The following NPS variants were observed in gnomAD, a reference collection of about 807,000 sequenced individuals.
NPS encodes neuropeptide S.
In NPS, 6 loss-of-function variants were observed where a neutral mutation model predicts 7.2. The ratio of observed to expected loss-of-function variants is 0.83; its 90% confidence interval spans 0.46 to 1.64. The LOEUF is 1.64. Among genes scored for constraint, NPS ranks in the 40% most tolerant of loss-of-function variants. The pLI, the probability that NPS is intolerant of heterozygous loss-of-function variation, is 0.01. For synonymous variants in NPS, 42 were observed against 36.7 expected, an observed-to-expected ratio of 1.14 and a Z score of -0.52; for missense variants, 123 against 97.8, an observed-to-expected ratio of 1.26 and a Z score of -1.09.
Position 127,552,964 on chromosome 10 carries a change from AT to A in NPS, c.*335del, listed in dbSNP as rs147494999. Reference sequence around the variant, plus strand: ...TGTTGACAGTCATCACGATAGTATGATTTTTTTTTTCCTGCCTGTAATATCA... The same window carrying A: ...TGTTGACAGTCATCACGATAGTATGATTTTTTTTTCCTGCCTGTAATATCA... On this transcript the variant is annotated 3_prime_UTR_variant, in exon 3 of 3. Transcript: ENST00000398023. 0.054 allele frequency among the ~76,000 whole-genome samples: 8,164 copies of A among 150,314 alleles called. 720 individuals are homozygous for A. Among genetic ancestry groups the A allele is most frequent in the African/African-American group, 0.18 (7,555 of 40,930 alleles).
At chr10:127,551,118 C>G (rs72845552) in intron 2 of NPS, among the ~76,000 whole-genome samples, 13,353 of 152,166 alleles carry the variant, frequency 0.088, 748 homozygotes, top group Non-Finnish European at 0.14. Context: ...AAGGCGTTCT[C>G]TCTATCATGT....
Position 127,552,590 on chromosome 10 carries a change from GA to G in NPS, c.222del (p.Val75LeufsTer5). 6.2e-7 allele frequency: 1 copy of G among 1,613,834 alleles called. No individual in the cohort carries two copies. Among genetic ancestry groups the G allele is most frequent in the Non-Finnish European group, 8.5e-7 (1 of 1,179,768 alleles). ...TTTGTGAAAAGGTCCTTTCGCAATG[GA>G]GTTGGCACAGGGATGAAAAAAACTT... is the stretch of plus-strand genomic sequence containing the variant. The part of the protein sequence containing the change: ...KMFVKRSFRN[G>X]VGTGMKKTSF... On this transcript the variant is annotated frameshift_variant, in exon 3 of 3. Transcript: ENST00000398023. LOFTEE classifies it high-confidence loss of function.
Position 127,549,529 on chromosome 10 carries a change from A to C in NPS, c.49A>C (p.Thr17Pro). 1 of 1,612,734 alleles carries C rather than the reference A, an allele frequency of 6.2e-7. No homozygotes were observed. Among genetic ancestry groups the C allele is most frequent in the Non-Finnish European group, 8.5e-7 (1 of 1,178,760 alleles). ...TCTCATCCTAGTTCTGTCGCTGTCC[A>C]CAATGCATGTGTTTTGGTGTTATCC... ...LNLILVLSLS[T>P]MHVFWCYPVP... Residue 17 changes from threonine (T) to proline (P), a missense_variant, in exon 2 of 3, where the codon ACA becomes CCA. Transcript: ENST00000398023.
chr10:127,552,447 T>C lies in NPS; in HGVS notation c.91-13T>C. The C allele has an allele frequency of 6.5e-7, 1 of 1,547,188 alleles. No individual in the cohort carries two copies. Among genetic ancestry groups the C allele is most frequent in the South Asian group, 1.1e-5 (1 of 88,482 alleles). On this transcript the variant is annotated splice_polypyrimidine_tract_variant and intron_variant, in intron 2 of 2. Transcript: ENST00000398023. Reference sequence around the variant, plus strand: ...GCTGTATTCTCTTTCTCCTCACCCATCTGAATTGCCAGGTGTCTGGAAAAT... The same window carrying C: ...GCTGTATTCTCTTTCTCCTCACCCACCTGAATTGCCAGGTGTCTGGAAAAT...
rs1844875090 is a variant in NPS, at chr10:127,553,225, A to G, written c.*586A>G. 6.6e-6 allele frequency among the ~76,000 whole-genome samples: 1 copy of G among 152,148 alleles called. No individual in the cohort carries two copies. The highest frequency in any genetic ancestry group is 2.4e-5 in the African/African-American group (1 of 41,424). Reference sequence around the variant, plus strand: ...TTCTTGTCTCCCTTTTCCTATTCCAAATATACTTAGCTATAGGGTGTTGTT... The same window carrying G: ...TTCTTGTCTCCCTTTTCCTATTCCAGATATACTTAGCTATAGGGTGTTGTT... On this transcript the variant is annotated 3_prime_UTR_variant, in exon 3 of 3. Coordinates refer to ENST00000398023, the MANE Select transcript of NPS (RefSeq NM_001030013.2).
At chr10:127,551,227 G>A (rs1004839691) in intron 2 of NPS, among the ~76,000 whole-genome samples, 19 of 151,198 alleles carry the variant, frequency 1.3e-4, no homozygotes, top group African/African-American at 4.7e-4. Flanking sequence ...GAAACTCTCT[G>A]ACCAAACTCT....
At chr10:127,552,191 C>T (rs918810099) in intron 2 of NPS, among the ~76,000 whole-genome samples, 1 of 152,074 alleles carries the variant, frequency 6.6e-6, no homozygotes, top group African/African-American at 2.4e-5. Context: ...AAAATAACAG[C>T]AACAAGATAA....
chr10:127,549,319 G>C lies in NPS; in HGVS notation c.-50G>C. The C allele has an allele frequency of 6.4e-7, 1 of 1,553,900 alleles. No individual in the cohort carries two copies. The highest frequency in any genetic ancestry group is 1.4e-5 in the African/African-American group (1 of 73,742). On this transcript the variant is annotated 5_prime_UTR_variant, in exon 1 of 3. Coordinates refer to ENST00000398023, the MANE Select transcript of NPS (RefSeq NM_001030013.2). ...AATGAGGGTCTGAGAGTAAGTGTGA[G>C]AAATTTGGCAATAAAACCACCTATC...
intron 2 of NPS, among the ~76,000 whole-genome samples, chr10:127,550,633 T>C (rs551908474): frequency 2.6e-5 from 4 of 152,358 alleles, no homozygotes; most frequent in Non-Finnish European, 5.9e-5. Context: ...ATTAAGAATG[T>C]ACTTTGTTCT....
chr10:127,550,897 T>A (rs547849357), intron 2 of NPS, among the ~76,000 whole-genome samples: 1 of 152,232 alleles, frequency 6.6e-6, no homozygotes, highest in African/African-American at 2.4e-5. Flanking sequence ...AATCTTATTA[T>A]GTTAATGAGT....
chr10:127,549,618 G>A (rs191300335), intron 2 of NPS, 48 bp downstream of exon 2: 73 of 1,002,302 alleles, frequency 7.3e-5, no homozygotes, highest in Admixed American at 5.0e-4. Context: ...GACTAGAATG[G>A]TAAATTATGT....
In NPS at chr10:127,549,489, C is replaced by T; in HGVS notation, c.9C>T (p.Ser3=). Reference sequence around the variant, plus strand: ...ATTGTACTTTTTTTCTACTTTGCAGCTCAGTAAAACTCAATCTCATCCTAG... The same window carrying T: ...ATTGTACTTTTTTTCTACTTTGCAGTTCAGTAAAACTCAATCTCATCCTAG... MI[S]SVKLNLILVL... The change falls in exon 2 of 3, where the codon AGC becomes AGT. Residue 3 remains serine, a splice_region_variant and synonymous_variant. Transcript: ENST00000398023. The T allele has an allele frequency of 6.2e-7, 1 of 1,608,596 alleles. No individual in the cohort carries two copies. The highest frequency in any genetic ancestry group is 1.7e-5 in the Admixed American group (1 of 60,010).
At position 127,552,445 on chromosome 10, in the gene NPS, C is replaced by T. The variant is rs1055880485; in HGVS notation, c.91-15C>T. 6.6e-7 allele frequency: 1 copy of T among 1,520,292 alleles called. No homozygotes were observed. The highest frequency in any genetic ancestry group is 1.4e-5 in the African/African-American group (1 of 73,004). 94.2% of individuals were successfully genotyped at this position (1,520,292 alleles called of 1,614,324 possible). On this transcript the variant is annotated splice_polypyrimidine_tract_variant and intron_variant, in intron 2 of 2. Transcript: ENST00000398023. ...AGGCTGTATTCTCTTTCTCCTCACCCATCTGAATTGCCAGGTGTCTGGAAA... is the reference window on the plus strand; with the variant it reads ...AGGCTGTATTCTCTTTCTCCTCACCTATCTGAATTGCCAGGTGTCTGGAAA...
rs1554977406 is a variant in NPS at position 127,549,475 on chromosome 10, T to A, written c.9-14T>A. On this transcript the variant is annotated splice_polypyrimidine_tract_variant and intron_variant, in intron 1 of 2. Coordinates refer to ENST00000398023, the MANE Select transcript of NPS (RefSeq NM_001030013.2). ...GAGACTAAATCTTGATTGTACTTTT[T>A]TTCTACTTTGCAGCTCAGTAAAACT... 1 of 1,605,064 alleles carries A rather than the reference T, an allele frequency of 6.2e-7. No individual in the cohort carries two copies. The highest frequency in any genetic ancestry group is 1.1e-5 in the South Asian group (1 of 90,846).
At chr10:127,550,639 G>A (rs1477396710) in intron 2 of NPS, among the ~76,000 whole-genome samples, 3 of 152,096 alleles carry the variant, frequency 2.0e-5, no homozygotes, top group Non-Finnish European at 4.4e-5. Flanking sequence ...AATGTACTTT[G>A]TTCTAAAATA....
chr10:127,550,021 T>G (rs1396974651), intron 2 of NPS, among the ~76,000 whole-genome samples: 1 of 152,208 alleles, frequency 6.6e-6, no homozygotes. Context: ...TTAATTCATA[T>G]ATTTATTAGA....
At position 127,553,485 on chromosome 10, in the gene NPS, C is replaced by A. The variant is rs1292036101; in HGVS notation, c.*846C>A. 1.3e-5 allele frequency among the ~76,000 whole-genome samples: 2 copies of A among 152,092 alleles called. No individual in the cohort carries two copies. Among genetic ancestry groups the A allele is most frequent in the Non-Finnish European group, 2.9e-5 (2 of 68,034 alleles). On this transcript the variant is annotated 3_prime_UTR_variant, in exon 3 of 3. Coordinates refer to ENST00000398023, the MANE Select transcript of NPS (RefSeq NM_001030013.2). ...ACACTCCTTTTTTAAAAGGATAATG[C>A]GACATTGGTTGACGTGTTATTTCAA...
chr10:127,551,378 C>T (rs1005089624), intron 2 of NPS, among the ~76,000 whole-genome samples: 8 of 151,974 alleles, frequency 5.3e-5, no homozygotes, highest in African/African-American at 1.7e-4. Flanking sequence ...GCACTCTGGC[C>T]CCGTTTCGAC....
Position 127,553,158 on chromosome 10 carries a change from T to C in NPS, c.*519T>C, listed in dbSNP as rs1470915139. ...ACAGCTGTATCAATTGATTAATTAA[T>C]TGATACCAAGAACAAACATCCCTGG... On this transcript the variant is annotated 3_prime_UTR_variant, in exon 3 of 3. Coordinates refer to ENST00000398023, the MANE Select transcript of NPS (RefSeq NM_001030013.2). Among the ~76,000 whole-genome samples the C allele has an allele frequency of 6.6e-6, 1 of 152,214 alleles. No individual in the cohort carries two copies. The highest frequency in any genetic ancestry group is 1.5e-5 in the Non-Finnish European group (1 of 68,030).
Sources: gnomAD v4.1 joint callset for allele counts (sites outside exome capture counted in the v4.1 genomes callset) on GRCh38, gnomAD v4.1.1 for gene constraint, MANE v1.5 for transcripts, NCBI Gene and HGNC (gene_info 2026-07-23, HGNC 2026-07-21) for gene names.